Variants in USP7 observed in about 807,000 individuals in gnomAD.
The protein encoded by USP7 is ubiquitin C-terminal hydrolase 7.
A neutral mutation model predicts 162.9 loss-of-function variants in USP7; 9 were observed. The ratio of observed to expected loss-of-function variants is 0.06; its 90% CI spans 0.03 to 0.10. USP7 has a LOEUF of 0.10. USP7 is among the 10% of genes least tolerant of loss of function. USP7 has a pLI of 1.00. For missense variants in USP7, 715 were observed against 1,373.7 expected (o/e 0.52, Z 7.58); for synonymous variants, 562 against 475.9 (o/e 1.18, Z -2.35).
rs561084227 is a variant in USP7, at chr16:8,920,293, G to A, written c.611+66C>T. 2.6e-4 allele frequency: 364 copies of A among 1,403,130 alleles called. 5 individuals carry two copies. The highest frequency in any genetic ancestry group is 2.4e-3 in the South Asian group (194 of 80,858). 86.9% of individuals were successfully genotyped at this position (1,403,130 alleles called of 1,614,324 possible). A position where few individuals can be genotyped will look rare whatever the true frequency, so the allele number is the denominator to read the frequency against. ...ATATGTGCATCTCTATTACATGCAC[G>A]CTAAAGCTTCTTTCACTGCAGCACA... On this transcript the variant is annotated intron_variant, in intron 5 of 30. Transcript: ENST00000344836.
chr16:8,897,109 G>GA lies in USP7; in HGVS notation c.2719-11dup. On this transcript the variant is annotated splice_polypyrimidine_tract_variant and intron_variant, in intron 25 of 30. Coordinates refer to ENST00000344836, the MANE Select transcript of USP7 (RefSeq NM_003470.3). Reference sequence around the variant, plus strand: ...GATATAGTGTTATTTCCTAAGTAATGAAAAGATAAAATAAGTGCTTTCAAG... The same window carrying GA: ...GATATAGTGTTATTTCCTAAGTAATGAAAAAGATAAAATAAGTGCTTTCAAG... 6.3e-7 allele frequency: 1 copy of GA among 1,598,784 alleles called. No individual in the cohort carries two copies. Among genetic ancestry groups the GA allele is most frequent in the Non-Finnish European group, 8.6e-7 (1 of 1,167,044 alleles).
In USP7 at chr16:8,904,448, T is replaced by C. The variant is rs1244772203; in HGVS notation, c.1691A>G (p.Tyr564Cys). The change falls in exon 15 of 31, where the codon TAT (tyrosine) becomes TGT (cysteine). Residue 564 changes from tyrosine to cysteine, a missense_variant. Physicochemically the swap from Tyr to Cys is radical, Grantham distance 194 (BLOSUM62 -2). Coordinates refer to ENST00000344836, the MANE Select transcript of USP7 (RefSeq NM_003470.3). ...KRKERQEAHL[Y>C]MQVQIVAEDQ... is the part of the protein sequence containing the mutation. Reference sequence around the variant, plus strand: ...GCGGGGGCTGACCTGCACTTGCATATAGAGATGGGCTTCCTGCCGCTCCTT... The same window carrying C: ...GCGGGGGCTGACCTGCACTTGCATACAGAGATGGGCTTCCTGCCGCTCCTT... 2.5e-6 allele frequency: 4 copies of C among 1,613,880 alleles called. No homozygotes were observed. Among genetic ancestry groups the C allele is most frequent in the East Asian group, 2.2e-5 (1 of 44,896 alleles).
intron 13 of USP7, 77 bp from the exon 14 acceptor site, chr16:8,905,408 T>C: frequency 1.3e-6 from 2 of 1,566,164 alleles, no homozygotes; most frequent in East Asian, 2.3e-5. Context: ...AGCGTTGTTC[T>C]AAAATGTGTG....
rs1264253074 is a variant in USP7 at position 8,916,560 on chromosome 16, T to C, written c.852-4A>G. On this transcript the variant is annotated splice_region_variant and splice_polypyrimidine_tract_variant and intron_variant, in intron 7 of 30. Transcript: ENST00000344836. ...GAAGCTATCTAAAGTTTCCCACCTTTCAAAGATAAAACAAACAACTCCATT... is the reference window on the plus strand; with the variant it reads ...GAAGCTATCTAAAGTTTCCCACCTTCCAAAGATAAAACAAACAACTCCATT... 6.9e-6 allele frequency: 11 copies of C among 1,586,814 alleles called. No homozygotes were observed. In the Middle Eastern group the frequency reaches 5.0e-4, roughly 72 times the overall value.
At chr16:8,897,708 AAAAAAAAAAAAAAAAAAAATAT>A (rs2061705457) in intron 25 of USP7, among the ~76,000 whole-genome samples, 1 of 32,168 alleles carries the variant, frequency 3.1e-5, no homozygotes, top group Non-Finnish European at 6.2e-5. Flanking sequence ...CAAAAAAAAA[AAAAAAAAAAAAAAAAAAAATAT>A]ATATATATAT....
chr16:8,943,430 C>T (rs1376095432), intron 1 of USP7, among the ~76,000 whole-genome samples: 2 of 152,120 alleles, frequency 1.3e-5, no homozygotes, highest in Non-Finnish European at 2.9e-5. Flanking sequence ...CGGCCGGAAC[C>T]GAGCTGCACA....
Position 8,963,753 on chromosome 16 carries a change from G to A in USP7, c.-468C>T, listed in dbSNP as rs921316793. Among the ~76,000 whole-genome samples, 49 of 144,506 alleles carry A rather than the reference G, an allele frequency of 3.4e-4. No homozygotes were observed. The highest frequency in any genetic ancestry group is 6.4e-4 in the Non-Finnish European group (42 of 65,176). The allele number at this position is 144,506 out of a possible 152,430, so 94.8% of individuals were successfully genotyped here. Reference sequence around the variant, plus strand: ...GGCGGGCCTGCGGGCCCTGGGGCCGGCGGGAGCGGCGGAGCGGGCGGGCGA... The same window carrying A: ...GGCGGGCCTGCGGGCCCTGGGGCCGACGGGAGCGGCGGAGCGGGCGGGCGA... On this transcript the variant is annotated 5_prime_UTR_variant, in exon 1 of 31. Coordinates refer to ENST00000344836, the MANE Select transcript of USP7 (RefSeq NM_003470.3).
At chr16:8,897,720 AAAAAAAATATATAT>A (rs1315661077) in intron 25 of USP7, among the ~76,000 whole-genome samples, 13 of 22,500 alleles carry the variant, frequency 5.8e-4, no homozygotes, top group African/African-American at 1.8e-3. Context: ...AAAAAAAAAA[AAAAAAAATATATAT>A]ATATATATAT....
intron 1 of USP7, 80 bp downstream of exon 1, chr16:8,963,127 C>G: frequency 2.4e-6 from 3 of 1,259,668 alleles, no homozygotes; most frequent in Non-Finnish European, 3.0e-6. Context: ...ATGGCGAGCC[C>G]CTCGCGTGGC....
intron 26 of USP7, among the ~76,000 whole-genome samples, chr16:8,896,243 C>G (rs1348818603): frequency 1.3e-5 from 2 of 150,660 alleles, no homozygotes; most frequent in Non-Finnish European, 2.9e-5. Flanking sequence ...TTAAAGGGCT[C>G]TGCTGGACAA....
intron 6 of USP7, among the ~76,000 whole-genome samples, chr16:8,917,465 G>A (rs1392770795): frequency 6.6e-6 from 1 of 152,116 alleles, no homozygotes; most frequent in Non-Finnish European, 1.5e-5. Context: ...TACAACCTCC[G>A]CCTCCTGGGT....
intron 1 of USP7, among the ~76,000 whole-genome samples, chr16:8,950,201 C>T (rs1464031540): frequency 6.6e-6 from 1 of 152,096 alleles, no homozygotes; most frequent in Admixed American, 6.5e-5. Context: ...CCACATGTGG[C>T]TAGTGGCTGC....
chr16:8,956,784 A>C (rs570405161), intron 1 of USP7, among the ~76,000 whole-genome samples: 32 of 151,312 alleles, frequency 2.1e-4, no homozygotes, highest in South Asian at 1.3e-3. Flanking sequence ...AACAAAAAAA[A>C]AAAAACACTG....
intron 1 of USP7, among the ~76,000 whole-genome samples, chr16:8,943,816 G>A (rs189961000): frequency 2.7e-3 from 412 of 152,280 alleles, no homozygotes; most frequent in Non-Finnish European, 3.9e-3. Flanking sequence ...GAGCATTCAC[G>A]CTGGGGGATA....
chr16:8,923,654 T>C (rs1482693993), intron 2 of USP7, among the ~76,000 whole-genome samples: 1 of 152,240 alleles, frequency 6.6e-6, no homozygotes, highest in Non-Finnish European at 1.5e-5. Flanking sequence ...TTGCCATCCC[T>C]GTCAGACTGA....
intron 1 of USP7, among the ~76,000 whole-genome samples, chr16:8,960,298 C>T (rs1899961314): frequency 6.6e-6 from 1 of 152,210 alleles, no homozygotes; most frequent in South Asian, 2.1e-4. Flanking sequence ...TCAGGCCCCA[C>T]CTCTTCCCTC....
intron 1 of USP7, among the ~76,000 whole-genome samples, chr16:8,959,581 G>A (rs1480251446): frequency 6.6e-6 from 1 of 152,152 alleles, no homozygotes; most frequent in Non-Finnish European, 1.5e-5. Flanking sequence ...TGTTCATCTT[G>A]TAACTTTGCA....
chr16:8,906,356 A>C, intron 13 of USP7, 70 bp downstream of exon 13: 12 of 1,550,230 alleles, frequency 7.7e-6, no homozygotes, highest in Non-Finnish European at 1.0e-5. Flanking sequence ...TAGGAACCAG[A>C]ACAGGCTGAA....
chr16:8,952,101 A>G (rs544378537), intron 1 of USP7, among the ~76,000 whole-genome samples: 28 of 152,234 alleles, frequency 1.8e-4, no homozygotes, highest in Non-Finnish European at 2.9e-4. Context: ...CAAAAAAGAA[A>G]AAAAATGGCC....
Sources: allele counts gnomAD v4.1 joint callset (sites outside exome capture counted in the v4.1 genomes callset), GRCh38; gene constraint gnomAD v4.1.1; transcripts MANE v1.5; gene names NCBI Gene and HGNC (gene_info 2026-07-23, HGNC 2026-07-21).